The following LAMA2 variants were observed in gnomAD, a reference collection of about 807,000 sequenced individuals.
The protein encoded by LAMA2 is laminin subunit alpha 2.
LAMA2 carries 269 observed loss-of-function variants against 364.8 expected under a neutral mutation model. The ratio of observed to expected loss-of-function variants is 0.74; its 90% CI spans 0.67 to 0.82. The LOEUF (loss-of-function observed/expected upper bound fraction) is 0.82. Ranked by LOEUF, LAMA2 falls within the 40% of genes least tolerant of loss-of-function variation. LAMA2 has a pLI of 0.00. For missense variants in LAMA2, 3,807 were observed against 3,873.2 expected (o/e 0.98, Z 0.45); for synonymous variants, 1,379 against 1,370.6 (o/e 1.01, Z -0.14).
chr6:128,963,202 G>C (rs1238715696), intron 1 of LAMA2, among the ~76,000 whole-genome samples: 1 of 151,914 alleles, frequency 6.6e-6, no homozygotes, highest in African/African-American at 2.4e-5. Context: ...CTCCCTTTCT[G>C]TATTTTTACC....
At chr6:129,508,550 C>A (rs1468268453) in intron 62 of LAMA2, among the ~76,000 whole-genome samples, 2 of 152,128 alleles carry the variant, frequency 1.3e-5, no homozygotes, top group African/African-American at 4.8e-5. Context: ...TATCCTTCTA[C>A]TTTCTATCTA....
At chr6:129,044,174 G>GTA (rs564016729) in intron 1 of LAMA2, among the ~76,000 whole-genome samples, 2,026 of 124,778 alleles carry the variant, frequency 0.016, 16 homozygotes, top group Non-Finnish European at 0.022. Flanking sequence ...TTTGCTGTGT[G>GTA]TATATATATA....
chr6:128,940,500 G>T (rs942497009), intron 1 of LAMA2, among the ~76,000 whole-genome samples: 1 of 151,988 alleles, frequency 6.6e-6, no homozygotes, highest in African/African-American at 2.4e-5. Flanking sequence ...ATAAATATTT[G>T]TCGGAAGGAA....
chr6:129,404,030 C>G, intron 40 of LAMA2, 71 bp downstream of exon 40: 1 of 1,533,784 alleles, frequency 6.5e-7, no homozygotes, highest in Non-Finnish European at 9.0e-7. Flanking sequence ...GTAAGTCAGT[C>G]TGGAAAATCC....
intron 1 of LAMA2, among the ~76,000 whole-genome samples, chr6:128,969,426 C>T (rs547381869): frequency 7.8e-4 from 118 of 151,934 alleles, no homozygotes; most frequent in Non-Finnish European, 1.6e-3. Flanking sequence ...TTAATGATTC[C>T]TGTGAATTTA....
chr6:129,427,971 T>C, intron 41 of LAMA2, 117 bp downstream of exon 41: 1 of 737,564 alleles, frequency 1.4e-6, no homozygotes, highest in African/African-American at 1.7e-5. Context: ...GATGATTCTA[T>C]AATCTATTTA....
intron 22 of LAMA2, among the ~76,000 whole-genome samples, chr6:129,307,347 G>A (rs1773939449): frequency 6.6e-6 from 1 of 152,160 alleles, no homozygotes; most frequent in African/African-American, 2.4e-5. Flanking sequence ...TCCCATGCAT[G>A]CACCTATCAG....
Position 129,252,144 on chromosome 6 carries a change from C to G in LAMA2, c.1945C>G (p.His649Asp), listed in dbSNP as rs1265718270. 2 of 1,613,588 alleles carry G rather than the reference C, an allele frequency of 1.2e-6. No individual in the cohort carries two copies. The highest frequency in any genetic ancestry group is 1.7e-6 in the Non-Finnish European group (2 of 1,179,638). Residue 649 changes from histidine (H) to aspartate (D), a missense_variant, in exon 14 of 65, where the codon CAT becomes GAT. By Grantham distance (81) the His-to-Asp change is moderately conservative (BLOSUM62 -1). Transcript: ENST00000421865. ...GGTGTACCTGCACCCATCTGAAGAA[C>G]ATACTAATGTATTGTTACTTAAAGA... The part of the protein sequence containing the change: ...DEVYLHPSEE[H>D]TNVLLLKEES...
At chr6:129,121,928 T>C (rs1293487485) in intron 4 of LAMA2, among the ~76,000 whole-genome samples, 3 of 152,208 alleles carry the variant, frequency 2.0e-5, no homozygotes, top group Non-Finnish European at 2.9e-5. Flanking sequence ...AGGGAAGGTA[T>C]CTTATTTGTC....
At chr6:129,448,533 C>T (rs934980708) in intron 45 of LAMA2, among the ~76,000 whole-genome samples, 1 of 152,154 alleles carries the variant, frequency 6.6e-6, no homozygotes, top group Non-Finnish European at 1.5e-5. Flanking sequence ...TTAACACATA[C>T]TTGACATGAC....
intron 35 of LAMA2, among the ~76,000 whole-genome samples, chr6:129,388,374 A>T (rs2114665925): frequency 6.6e-6 from 1 of 152,268 alleles, no homozygotes; most frequent in Admixed American, 6.5e-5. Context: ...ATACATGATC[A>T]TTTTGCTAAA....
chr6:129,260,863 C>T (rs753650406), intron 15 of LAMA2, 41 bp downstream of exon 15: 2 of 1,177,212 alleles, frequency 1.7e-6, no homozygotes, highest in East Asian at 2.3e-5. Context: ...TTCAAAGTTC[C>T]CTCAACATTG....
At chr6:128,962,185 T>TATATTTACACACACAC (rs1214826895) in intron 1 of LAMA2, among the ~76,000 whole-genome samples, 1 of 103,918 alleles carries the variant, frequency 9.6e-6, no homozygotes, top group African/African-American at 3.7e-5. Context: ...TATATATATA[T>TATATTTACACACACAC]ACACACATAC....
rs552407323 is a variant in LAMA2 at position 129,165,239 on chromosome 6, T to C, written c.1207-337T>C. 6.6e-5 allele frequency among the ~76,000 whole-genome samples: 10 copies of C among 151,988 alleles called. No individual in the cohort carries two copies. The South Asian group carries it at 1.7e-3, about 25-fold the overall frequency. On this transcript the variant is annotated intron_variant, in intron 8 of 64. Coordinates refer to ENST00000421865, the MANE Select transcript of LAMA2 (RefSeq NM_000426.4). ...GAAAATAAATCTTGTATATACAGTA[T>C]ATGAACACAGTGTAGTTTTGTTTAA...
intron 53 of LAMA2, among the ~76,000 whole-genome samples, chr6:129,478,189 G>A (rs1784171518): frequency 6.6e-6 from 1 of 152,060 alleles, no homozygotes; most frequent in Non-Finnish European, 1.5e-5. Flanking sequence ...AAAGAGATAT[G>A]TAATATTATC....
At chr6:129,022,329 T>C (rs1391594780) in intron 1 of LAMA2, among the ~76,000 whole-genome samples, 1 of 152,222 alleles carries the variant, frequency 6.6e-6, no homozygotes, top group Non-Finnish European at 1.5e-5. Flanking sequence ...TACAATGCTG[T>C]TAACGTTTTT....
At chr6:129,354,065 C>T (rs1279206207) in intron 32 of LAMA2, among the ~76,000 whole-genome samples, 1 of 152,150 alleles carries the variant, frequency 6.6e-6, no homozygotes, top group Non-Finnish European at 1.5e-5. Flanking sequence ...AAGGAGTGCT[C>T]TTCTATAGTA....
intron 51 of LAMA2, among the ~76,000 whole-genome samples, chr6:129,468,594 A>G (rs781686386): frequency 1.3e-5 from 2 of 151,978 alleles, no homozygotes; most frequent in Non-Finnish European, 2.9e-5. Context: ...TAAAGTTGAA[A>G]AATGCAATCT....
In LAMA2 at chr6:129,029,493, A is replaced by T. The variant is rs184077784; in HGVS notation, c.113-20425A>T. On this transcript the variant is annotated intron_variant, in intron 1 of 64. Coordinates refer to ENST00000421865, the MANE Select transcript of LAMA2 (RefSeq NM_000426.4). ...AAGAATGTCTCATTTTGGACATCTTACTTATAGTCAGATTGATTCTCAAAA... is the reference window on the plus strand; with the variant it reads ...AAGAATGTCTCATTTTGGACATCTTTCTTATAGTCAGATTGATTCTCAAAA... Among the ~76,000 whole-genome samples, 240 of 152,152 alleles carry T rather than the reference A, an allele frequency of 1.6e-3. 1 individual carries two copies. Among genetic ancestry groups the T allele is most frequent in the Middle Eastern group, 6.8e-3 (2 of 294 alleles).
Sources: allele counts gnomAD v4.1 joint callset (sites outside exome capture counted in the v4.1 genomes callset), GRCh38; gene constraint gnomAD v4.1.1; transcripts MANE v1.5; gene names NCBI Gene and HGNC (gene_info 2026-07-23, HGNC 2026-07-21).